The following MYO16 variants were observed in gnomAD, a reference collection of about 807,000 sequenced individuals.
MYO16 encodes the protein myosin XVI.
MYO16 carries 94 observed loss-of-function variants against 205.3 expected under a neutral mutation model. The observed-to-expected ratio is 0.46, with a 90% CI of 0.39 to 0.54. The LOEUF (loss-of-function observed/expected upper bound fraction) is 0.54, where lower values mean the gene tolerates loss of function less well. Among genes scored for constraint, MYO16 ranks in the 20% least tolerant of loss-of-function variants. The pLI, the probability that MYO16 is intolerant of heterozygous loss-of-function variation, is 0.00. For missense variants in MYO16, 2,315 were observed against 2,387.5 expected, an observed-to-expected ratio of 0.97 and a Z score of 0.63; for synonymous variants, 988 against 954.0, an observed-to-expected ratio of 1.04 and a Z score of -0.66.
At chr13:109,095,028 C>T (rs1186881239) in intron 27 of MYO16, among the ~76,000 whole-genome samples, 1 of 152,180 alleles carries the variant, frequency 6.6e-6, no homozygotes, top group Admixed American at 6.5e-5. Context: ...ACTTTGTGCT[C>T]AGTCAATACT....
At chr13:109,082,500 A>T (rs1023928135) in intron 27 of MYO16, among the ~76,000 whole-genome samples, 2 of 152,350 alleles carry the variant, frequency 1.3e-5, no homozygotes, top group Middle Eastern at 6.8e-3. Flanking sequence ...AGCTTAGGTT[A>T]CAGGAAGAGT....
chr13:108,971,740 G>T (rs1055830282), intron 20 of MYO16, among the ~76,000 whole-genome samples: 4 of 151,622 alleles, frequency 2.6e-5, no homozygotes, highest in African/African-American at 9.7e-5. Flanking sequence ...ATGATTAATC[G>T]CATTGATTTC....
At chr13:109,120,226 T>C (rs1278266038) in intron 28 of MYO16, 144 bp from the exon 29 acceptor site, 5 of 607,888 alleles carry the variant, frequency 8.2e-6, no homozygotes, top group Non-Finnish European at 1.4e-5. Flanking sequence ...TGTAATAGTG[T>C]TTAAGAATCA....
intron 4 of MYO16, among the ~76,000 whole-genome samples, chr13:108,729,950 G>A (rs1198910563): frequency 1.3e-5 from 2 of 152,134 alleles, no homozygotes; most frequent in South Asian, 2.1e-4. Context: ...TTATGACAAA[G>A]AAAAGAAGAG....
intron 20 of MYO16, among the ~76,000 whole-genome samples, chr13:108,976,615 T>A (rs1884266904): frequency 6.6e-6 from 1 of 152,208 alleles, no homozygotes; most frequent in South Asian, 2.1e-4. Context: ...ATACATTTTA[T>A]GCATTACTGT....
chr13:108,895,312 G>A (rs564024079), intron 14 of MYO16, among the ~76,000 whole-genome samples: 12 of 151,944 alleles, frequency 7.9e-5, no homozygotes, highest in Non-Finnish European at 1.3e-4. Context: ...ACTGTGCAAC[G>A]TTGTCATTGT....
At chr13:108,869,580 A>T (rs1878922194) in intron 12 of MYO16, among the ~76,000 whole-genome samples, 2 of 128,886 alleles carry the variant, frequency 1.6e-5, no homozygotes, top group East Asian at 2.5e-4. Flanking sequence ...AAAAAAAAAA[A>T]GTTAGCCGGG....
intron 2 of MYO16, among the ~76,000 whole-genome samples, chr13:108,693,467 A>G (rs544298525): frequency 4.6e-5 from 7 of 152,144 alleles, no homozygotes; most frequent in African/African-American, 1.7e-4. Flanking sequence ...TTGATATTTT[A>G]TGTAAGAGAA....
intron 1 of MYO16, among the ~76,000 whole-genome samples, chr13:108,641,708 A>G (rs1159882396): frequency 6.6e-6 from 1 of 152,110 alleles, no homozygotes; most frequent in African/African-American, 2.4e-5. Flanking sequence ...TCCACACAGC[A>G]CTCATGAGCT....
chr13:109,088,929 G>C (rs1663246437), intron 27 of MYO16, among the ~76,000 whole-genome samples: 4 of 152,274 alleles, frequency 2.6e-5, no homozygotes, highest in Admixed American at 6.5e-5. Flanking sequence ...CCCTTCCTCT[G>C]GGTTTCTGCC....
chr13:108,673,503 A>G (rs1882079883), intron 2 of MYO16, among the ~76,000 whole-genome samples: 1 of 151,982 alleles, frequency 6.6e-6, no homozygotes, highest in Admixed American at 6.6e-5. Flanking sequence ...CTTTATTTAT[A>G]TCTCCATTTT....
chr13:108,587,957 AT>A, the MYO16 span, among the ~76,000 whole-genome samples: 2 of 152,104 alleles, frequency 1.3e-5, no homozygotes, highest in Non-Finnish European at 2.9e-5. Flanking sequence ...CCAAAATAAT[AT>A]TTTTTTCTGT....
At chr13:109,198,789 A>G (rs1880267064) in intron 34 of MYO16, among the ~76,000 whole-genome samples, 1 of 152,152 alleles carries the variant, frequency 6.6e-6, no homozygotes, top group South Asian at 2.1e-4. Flanking sequence ...TCAAGTTGTT[A>G]CAAGGTAGGT....
At chr13:108,575,896 G>T in the MYO16 span, among the ~76,000 whole-genome samples, 6 of 152,032 alleles carry the variant, frequency 3.9e-5, no homozygotes, top group African/African-American at 1.5e-4. Context: ...GAATGGATAT[G>T]CCATAGAGTT....
intron 23 of MYO16, among the ~76,000 whole-genome samples, chr13:109,031,926 G>C (rs1886558062): frequency 6.6e-6 from 1 of 152,166 alleles, no homozygotes; most frequent in Non-Finnish European, 1.5e-5. Context: ...TCATGCCTCA[G>C]ATACTGCCTA....
At chr13:108,771,859 C>T (rs1269029528) in intron 4 of MYO16, among the ~76,000 whole-genome samples, 1 of 152,028 alleles carries the variant, frequency 6.6e-6, no homozygotes, top group Non-Finnish European at 1.5e-5. Flanking sequence ...ACTACTATTC[C>T]AATGTCTGGA....
At chr13:109,179,399 A>G (rs1427048093) in intron 33 of MYO16, 143 bp from the exon 34 acceptor site, 1 of 613,762 alleles carries the variant, frequency 1.6e-6, no homozygotes, top group African/African-American at 1.8e-5. Flanking sequence ...TCATTGCAAA[A>G]TTTAGTATTT....
At chr13:108,606,371 T>C (rs566711177) in intron 1 of MYO16, among the ~76,000 whole-genome samples, 1 of 152,276 alleles carries the variant, frequency 6.6e-6, no homozygotes, top group South Asian at 2.1e-4. Context: ...TGTGTCAGCC[T>C]CAGGGCCCCC....
At chr13:108,516,518 A>G in the MYO16 span, among the ~76,000 whole-genome samples, 2 of 152,150 alleles carry the variant, frequency 1.3e-5, no homozygotes, top group East Asian at 3.9e-4. Flanking sequence ...TTAATTTTTG[A>G]AAATTGATCT....
Sources: gnomAD v4.1 joint callset for allele counts (sites outside exome capture counted in the v4.1 genomes callset) on GRCh38, gnomAD v4.1.1 for gene constraint, MANE v1.5 for transcripts, NCBI Gene and HGNC (gene_info 2026-07-23, HGNC 2026-07-21) for gene names.